The following ROBO2 variants were observed in gnomAD, a reference collection of about 807,000 sequenced individuals.
ROBO2 encodes roundabout homolog 2.
A neutral mutation model predicts 160.8 loss-of-function variants in ROBO2; 53 were observed. The observed-to-expected ratio is 0.33, with a 90% CI of 0.26 to 0.41. The LOEUF is 0.41. ROBO2 is among the 10% of genes least tolerant of loss of function. The pLI, the probability that ROBO2 is intolerant of heterozygous loss-of-function variation, is 1.00. For synonymous variants in ROBO2, 664 were observed against 611.7 expected (o/e 1.09, Z -1.26); for missense variants, 1,577 against 1,722.4 (o/e 0.92, Z 1.49).
intron 2 of ROBO2, among the ~76,000 whole-genome samples, chr3:77,305,952 C>T (rs1178014255): frequency 1.3e-5 from 2 of 152,090 alleles, no homozygotes; most frequent in African/African-American, 4.8e-5. Flanking sequence ...ATACTGATTT[C>T]AGGTAGCTTC....
At chr3:76,654,679 T>C (rs2109941274) in intron 2 of ROBO2, among the ~76,000 whole-genome samples, 1 of 151,902 alleles carries the variant, frequency 6.6e-6, no homozygotes, top group East Asian at 1.9e-4. Context: ...AGAAAAATAA[T>C]CAAATGAAAA....
intron 2 of ROBO2, among the ~76,000 whole-genome samples, chr3:76,176,057 T>C (rs1246785832): frequency 6.6e-6 from 1 of 152,182 alleles, no homozygotes. Context: ...AAATGTTTTA[T>C]GGAAACAATA....
rs553973531 is a variant in ROBO2, at chr3:76,029,886, T to C, written c.109+92284T>C. On this transcript the variant is annotated intron_variant, in intron 2 of 26. Coordinates refer to the ROBO2 transcript ENST00000487694. ...AATCCTTTGGGTACATACCCAGTAA[T>C]GGAATTGCTGGGTCAAATGGTATTT... 2.5e-3 allele frequency among the ~76,000 whole-genome samples: 387 copies of C among 152,324 alleles called. 2 individuals carry two copies. Among genetic ancestry groups the C allele is most frequent in the Non-Finnish European group, 4.5e-3 (307 of 68,028 alleles).
chr3:76,529,114 C>G (rs182899782), intron 2 of ROBO2, among the ~76,000 whole-genome samples: 1 of 152,162 alleles, frequency 6.6e-6, no homozygotes, highest in Admixed American at 6.6e-5. Context: ...TTCTGAAAGA[C>G]AGCATGTTAT....
At chr3:76,398,075 C>A (rs1426591693) in intron 2 of ROBO2, among the ~76,000 whole-genome samples, 1 of 151,930 alleles carries the variant, frequency 6.6e-6, no homozygotes, top group Non-Finnish European at 1.5e-5. Context: ...GGAACCAACC[C>A]AAATGTCCAA....
chr3:77,467,921 G>C (rs1450350100), intron 2 of ROBO2, among the ~76,000 whole-genome samples: 1 of 152,190 alleles, frequency 6.6e-6, no homozygotes, highest in African/African-American at 2.4e-5. Context: ...TGTGTTGGGA[G>C]CATGGTGAGA....
At chr3:77,424,283 GA>G (rs768064207) in intron 2 of ROBO2, among the ~76,000 whole-genome samples, 8 of 152,142 alleles carry the variant, frequency 5.3e-5, no homozygotes, top group Non-Finnish European at 1.0e-4. Flanking sequence ...GGAAATGGGA[GA>G]ATGTGAGTAG....
chr3:76,097,029 T>C (rs76698293), intron 2 of ROBO2, among the ~76,000 whole-genome samples: 1 of 152,168 alleles, frequency 6.6e-6, no homozygotes, highest in East Asian at 1.9e-4. Context: ...ATAGATTGTC[T>C]GCTACATTAC....
intron 2 of ROBO2, among the ~76,000 whole-genome samples, chr3:76,985,613 A>G (rs1305006017): frequency 2.7e-5 from 4 of 147,688 alleles, no homozygotes; most frequent in African/African-American, 7.5e-5. Context: ...AAAGAAGATA[A>G]TCTATTTTTG....
intron 2 of ROBO2, among the ~76,000 whole-genome samples, chr3:77,443,734 T>C (rs2080188860): frequency 6.6e-6 from 1 of 152,170 alleles, no homozygotes; most frequent in African/African-American, 2.4e-5. Context: ...CATTAAATCC[T>C]CTAACTTCAT....
chr3:76,829,014 A>T (rs983489988), intron 2 of ROBO2, among the ~76,000 whole-genome samples: 4 of 152,070 alleles, frequency 2.6e-5, no homozygotes, highest in Non-Finnish European at 4.4e-5. Flanking sequence ...GTCTACATCC[A>T]TGATTCTTTC....
chr3:77,361,658 C>G (rs963234825), intron 2 of ROBO2, among the ~76,000 whole-genome samples: 4 of 152,020 alleles, frequency 2.6e-5, no homozygotes, highest in Admixed American at 2.6e-4. Flanking sequence ...CCCTGGGCCT[C>G]TTTTATAAGG....
At chr3:77,474,760 G>A (rs1267799489) in intron 2 of ROBO2, among the ~76,000 whole-genome samples, 1 of 151,580 alleles carries the variant, frequency 6.6e-6, no homozygotes, top group African/African-American at 2.4e-5. Context: ...CTCTTAATCC[G>A]ACACATGGGA....
chr3:77,421,927 G>A (rs1478115788), intron 2 of ROBO2, among the ~76,000 whole-genome samples: 1 of 151,990 alleles, frequency 6.6e-6, no homozygotes, highest in African/African-American at 2.4e-5. Flanking sequence ...ACATTAAAAT[G>A]TTATTAATTT....
At chr3:76,854,976 T>A (rs1414562113) in intron 2 of ROBO2, among the ~76,000 whole-genome samples, 1 of 152,094 alleles carries the variant, frequency 6.6e-6, no homozygotes, top group African/African-American at 2.4e-5. Context: ...CTTCTGTGAG[T>A]CCTTTCCTTG....
intron 2 of ROBO2, among the ~76,000 whole-genome samples, chr3:76,908,894 C>T (rs907888593): frequency 1.1e-4 from 17 of 152,154 alleles, no homozygotes; most frequent in African/African-American, 3.4e-4. Context: ...TTCCTTCAGT[C>T]GGATAAAACT....
chr3:77,501,479 C>G (rs975410632), intron 5 of ROBO2, among the ~76,000 whole-genome samples: 1 of 152,056 alleles, frequency 6.6e-6, no homozygotes, highest in African/African-American at 2.4e-5. Context: ...TAACATAAGG[C>G]TGAAAGGTAT....
rs149002171 is a variant in ROBO2, at chr3:77,624,532, A to G, written c.3760+2100A>G. 1.8e-3 allele frequency among the ~76,000 whole-genome samples: 279 copies of G among 152,280 alleles called. 1 individual carries two copies. Among genetic ancestry groups the G allele is most frequent in the Non-Finnish European group, 2.6e-3 (175 of 68,020 alleles). ...GAGACTGAATATTAGAGAAATCAGC[A>G]TGCCAATGAATGTTGTTCTAACATG... On this transcript the variant is annotated intron_variant, in intron 23 of 25. Coordinates refer to ENST00000461745, the Ensembl canonical transcript of ROBO2.
chr3:77,558,198 T>TACACCA, intron 9 of ROBO2, 49 bp downstream of exon 10: 1 of 1,485,106 alleles, frequency 6.7e-7, no homozygotes, highest in South Asian at 1.1e-5. Context: ...ACATAAGTAC[T>TACACCA]GCTCTATGGA....
Sources: gnomAD v4.1 joint callset for allele counts (sites outside exome capture counted in the v4.1 genomes callset) on GRCh38, gnomAD v4.1.1 for gene constraint, MANE v1.5 for transcripts, NCBI Gene and HGNC (gene_info 2026-07-23, HGNC 2026-07-21) for gene names.